Variants in OCLN observed in about 807,000 individuals in gnomAD.
The protein encoded by OCLN is occludin.
OCLN carries 21 observed loss-of-function variants against 47.9 expected under a neutral mutation model. The observed-to-expected ratio is 0.44, with a 90% CI of 0.31 to 0.63. The LOEUF (loss-of-function observed/expected upper bound fraction) is 0.63. Among genes scored for constraint, OCLN ranks in the 30% least tolerant of loss-of-function variants. The pLI is 0.08. For synonymous variants in OCLN, 117 were observed against 198.4 expected, an observed-to-expected ratio of 0.59 and a Z score of 3.45; for missense variants, 360 against 571.0, an observed-to-expected ratio of 0.63 and a Z score of 3.77.
intron 4 of OCLN, among the ~76,000 whole-genome samples, chr5:69,518,596 C>T (rs1769042398): frequency 6.6e-6 from 1 of 152,302 alleles, no homozygotes; most frequent in East Asian, 1.9e-4. Flanking sequence ...ACTCTCATTT[C>T]TGCCTGATTA....
intron 4 of OCLN, among the ~76,000 whole-genome samples, chr5:69,516,245 G>A (rs1008332866): frequency 2.0e-5 from 3 of 152,216 alleles, no homozygotes; most frequent in Non-Finnish European, 2.9e-5. Context: ...CTGCAATCCC[G>A]GCACCTTGGG....
At chr5:69,515,541 C>A (rs552982717) in intron 4 of OCLN, among the ~76,000 whole-genome samples, 1 of 132,942 alleles carries the variant, frequency 7.5e-6, no homozygotes, top group African/African-American at 2.7e-5. Flanking sequence ...GGGGCTGACC[C>A]CCCCCCACCT....
chr5:69,526,904 C>T (rs560206151), intron 4 of OCLN, among the ~76,000 whole-genome samples: 4 of 152,260 alleles, frequency 2.6e-5, no homozygotes, highest in South Asian at 2.1e-4. Flanking sequence ...AACAAACATT[C>T]GTGTTACATA....
chr5:69,507,668 C>T (rs889120183), intron 2 of OCLN, among the ~76,000 whole-genome samples: 2 of 151,474 alleles, frequency 1.3e-5, no homozygotes, highest in Non-Finnish European at 2.9e-5. Flanking sequence ...TGCAATGGCA[C>T]GGTCTCGGCT....
chr5:69,504,661 G>T (rs1768546920), intron 2 of OCLN, among the ~76,000 whole-genome samples: 1 of 152,240 alleles, frequency 6.6e-6, no homozygotes, highest in South Asian at 2.1e-4. Flanking sequence ...TTTAGGCCGG[G>T]TGCGGTGGCT....
At chr5:69,527,595 C>G (rs1769318152) in intron 4 of OCLN, among the ~76,000 whole-genome samples, 2 of 152,180 alleles carry the variant, frequency 1.3e-5, no homozygotes, top group South Asian at 4.1e-4. Flanking sequence ...AGAAAAAGAG[C>G]AACCTTATGG....
At chr5:69,519,593 A>G (rs1769076572) in intron 4 of OCLN, among the ~76,000 whole-genome samples, 1 of 152,132 alleles carries the variant, frequency 6.6e-6, no homozygotes, top group Non-Finnish European at 1.5e-5. Context: ...AAATGTTTTA[A>G]GATTTGTTTA....
At chr5:69,503,984 T>C (rs1276044193) in intron 1 of OCLN, among the ~76,000 whole-genome samples, 193 bp from the exon 2 acceptor site, 5 of 152,020 alleles carry the variant, frequency 3.3e-5, no homozygotes, top group Admixed American at 6.6e-5. Context: ...TCTGTAGTCC[T>C]AGCTACTTGG....
rs371435086 is a variant in OCLN at position 69,554,996 on chromosome 5, T to C, written c.*1325T>C. ...TCTCACCCAGGCTGGAATGCAGTGG[T>C]GCTATCTTGGCTCACTGCAACCTCC... is the stretch of plus-strand genomic sequence containing the variant. On this transcript the variant is annotated 3_prime_UTR_variant, in exon 9 of 9. Transcript: ENST00000396442. 1.9e-4 allele frequency: 29 copies of C among 150,504 alleles called. No individual in the cohort carries two copies. Among genetic ancestry groups the C allele is most frequent in the African/African-American group, 5.4e-4 (22 of 40,944 alleles). 9.3% of individuals were successfully genotyped at this position (150,504 alleles called of 1,614,324 possible). A position where few individuals can be genotyped will look rare whatever the true frequency, so the allele number is the denominator to read the frequency against.
At chr5:69,500,750 G>T (rs1289992648) in intron 1 of OCLN, among the ~76,000 whole-genome samples, 2 of 152,014 alleles carry the variant, frequency 1.3e-5, no homozygotes, top group African/African-American at 4.8e-5. Context: ...TCTGAATCCT[G>T]GAAATAGCAG....
rs546863110 is a variant in OCLN at position 69,525,051 on chromosome 5, C to T, written c.892-9643C>T. Reference sequence around the variant, plus strand: ...TGTGAACATTTCTCTTGGCTATGTACCTAAGAGTGGAACTTCTGGGATGCA... The same window carrying T: ...TGTGAACATTTCTCTTGGCTATGTATCTAAGAGTGGAACTTCTGGGATGCA... On this transcript the variant is annotated intron_variant, in intron 4 of 8. Coordinates refer to ENST00000396442, the MANE Select transcript of OCLN (RefSeq NM_001205254.2). Among the ~76,000 whole-genome samples the T allele has an allele frequency of 2.6e-5, 4 of 152,220 alleles. No homozygotes were observed. The South Asian group carries it at 8.3e-4, about 32-fold the overall frequency.
chr5:69,497,746 G>A (rs561308379), intron 1 of OCLN, among the ~76,000 whole-genome samples: 1 of 152,236 alleles, frequency 6.6e-6, no homozygotes, highest in South Asian at 2.1e-4. Flanking sequence ...AGAATGTGAT[G>A]TACAAATCAG....
chr5:69,522,014 T>G (rs1025235141), intron 4 of OCLN, among the ~76,000 whole-genome samples: 6 of 152,202 alleles, frequency 3.9e-5, no homozygotes, highest in Admixed American at 2.6e-4. Context: ...TTTTTGTTTG[T>G]TTTAAGAGAG....
chr5:69,501,757 C>A (rs1160196014), intron 1 of OCLN, among the ~76,000 whole-genome samples: 1 of 152,232 alleles, frequency 6.6e-6, no homozygotes, highest in East Asian at 1.9e-4. Context: ...GAAAAGTCAT[C>A]TTCCTTCATG....
Position 69,553,822 on chromosome 5 carries a change from AT to A in OCLN, c.*155del. ...GCTTTAACATCATCAGTATTGAAGC[AT>A]TTTATAAATCGCTTTTGATAATCAA... On this transcript the variant is annotated 3_prime_UTR_variant, in exon 9 of 9. Coordinates refer to ENST00000396442, the MANE Select transcript of OCLN (RefSeq NM_001205254.2). 8.6e-7 allele frequency: 1 copy of A among 1,160,628 alleles called. No homozygotes were observed. Among genetic ancestry groups the A allele is most frequent in the Non-Finnish European group, 1.2e-6 (1 of 811,092 alleles). 71.9% of individuals were successfully genotyped at this position (1,160,628 alleles called of 1,614,324 possible). A position where few individuals can be genotyped will look rare whatever the true frequency, so the allele number is the denominator to read the frequency against.
At chr5:69,511,652 G>A (rs987626076) in intron 3 of OCLN, among the ~76,000 whole-genome samples, 3 of 152,156 alleles carry the variant, frequency 2.0e-5, no homozygotes, top group Admixed American at 6.6e-5. Context: ...CTGGGCTCAA[G>A]TGATCCTGCC....
Position 69,504,309 on chromosome 5 carries a change from CT to C in OCLN, c.50+18del. 1 of 1,493,810 alleles carries C rather than the reference CT, an allele frequency of 6.7e-7. No individual in the cohort carries two copies. The highest frequency in any genetic ancestry group is 9.3e-7 in the Non-Finnish European group (1 of 1,071,886). The allele number at this position is 1,493,810 out of a possible 1,614,324, so 92.5% of individuals were successfully genotyped here. ...CCTGATGAATTGTAAGTAAATAATT[CT>C]TTAGTTATTCTCTTTTAAAAAGTCT... On this transcript the variant is annotated intron_variant, in intron 2 of 8. Transcript: ENST00000396442.
At chr5:69,497,068 G>C (rs1335594360) in intron 1 of OCLN, among the ~76,000 whole-genome samples, 3 of 152,138 alleles carry the variant, frequency 2.0e-5, no homozygotes, top group Admixed American at 2.0e-4. Context: ...CACTTTGAAA[G>C]AGACCTTAGA....
chr5:69,532,069 G>A (rs756060881), intron 4 of OCLN, among the ~76,000 whole-genome samples: 7 of 152,044 alleles, frequency 4.6e-5, no homozygotes, highest in Non-Finnish European at 8.8e-5. Context: ...AGGCACTGTA[G>A]TAAATGTGAT....
Sources: allele counts gnomAD v4.1 joint callset (sites outside exome capture counted in the v4.1 genomes callset), GRCh38; gene constraint gnomAD v4.1.1; transcripts MANE v1.5; gene names NCBI Gene and HGNC (gene_info 2026-07-23, HGNC 2026-07-21).